The following GRAMD1B variants were observed in gnomAD, a reference collection of about 807,000 sequenced individuals.
The protein encoded by GRAMD1B is GRAM domain containing 1B, also known as protein Aster-B.
A neutral mutation model predicts 99.7 loss-of-function variants in GRAMD1B; 37 were observed. That is an observed-to-expected ratio of 0.37 (90% CI 0.29 to 0.49). The LOEUF (loss-of-function observed/expected upper bound fraction) is 0.49. Among genes scored for constraint, GRAMD1B ranks in the 20% least tolerant of loss-of-function variants. The pLI, the probability that GRAMD1B is intolerant of heterozygous loss-of-function variation, is 0.98. For missense variants in GRAMD1B, 888 were observed against 1,009.2 expected (o/e 0.88, Z 1.63); for synonymous variants, 427 against 387.6 (o/e 1.10, Z -1.19).
intron 9 of GRAMD1B, 24 bp downstream of exon 9, chr11:123,603,565 C>A (rs1397290119): frequency 1.4e-6 from 2 of 1,436,254 alleles, no homozygotes; most frequent in East Asian, 2.3e-5. Context: ...AGGGCGGCTG[C>A]CCAGAGGCAG....
At chr11:123,584,263 C>G (rs747461868) in intron 3 of GRAMD1B, 49 bp from the exon 4 acceptor site, 4 of 882,138 alleles carry the variant, frequency 4.5e-6, no homozygotes, top group East Asian at 8.9e-5. Context: ...CCCTTCCCCC[C>G]ATTTCTTCCC....
chr11:123,462,722 G>A (rs546118770), intron 1 of GRAMD1B, among the ~76,000 whole-genome samples: 17 of 152,142 alleles, frequency 1.1e-4, no homozygotes, highest in African/African-American at 4.1e-4. Flanking sequence ...CTAATCTCAA[G>A]TAATCAGGGA....
intron 14 of GRAMD1B, among the ~76,000 whole-genome samples, chr11:123,611,066 G>C (rs1347350912): frequency 6.6e-6 from 1 of 152,204 alleles, no homozygotes; most frequent in Non-Finnish European, 1.5e-5. Context: ...TTGGTTGTAA[G>C]GAGCCAAAAA....
At chr11:123,466,493 AAG>A (rs1359340166) in intron 1 of GRAMD1B, among the ~76,000 whole-genome samples, 1 of 151,742 alleles carries the variant, frequency 6.6e-6, no homozygotes, top group African/African-American at 2.4e-5. Flanking sequence ...AAGAAAAAGA[AAG>A]AAAGAAAAAG....
intron 2 of GRAMD1B, among the ~76,000 whole-genome samples, chr11:123,489,318 C>T (rs539502938): frequency 6.6e-6 from 1 of 152,182 alleles, no homozygotes; most frequent in East Asian, 1.9e-4. Flanking sequence ...GATAGAAACA[C>T]TAGGCCATTG....
intron 1 of GRAMD1B, among the ~76,000 whole-genome samples, chr11:123,400,168 C>T (rs890848545): frequency 6.6e-6 from 1 of 152,046 alleles, no homozygotes. Flanking sequence ...CACCATAGAC[C>T]GGATACCTTA....
chr11:123,435,426 A>G, intron 1 of GRAMD1B: 1 of 702,326 alleles, frequency 1.4e-6, no homozygotes, highest in Non-Finnish European at 2.6e-6. Flanking sequence ...CTTGTCACTG[A>G]CTTGAAGCTC....
At chr11:123,582,632 C>T (rs1277705282) in intron 3 of GRAMD1B, among the ~76,000 whole-genome samples, 1 of 152,146 alleles carries the variant, frequency 6.6e-6, no homozygotes, top group Non-Finnish European at 1.5e-5. Flanking sequence ...CACGCGAGGC[C>T]CCTCAGCCCC....
chr11:123,415,108 T>G (rs1314313767), intron 1 of GRAMD1B, among the ~76,000 whole-genome samples: 3 of 133,248 alleles, frequency 2.3e-5, no homozygotes, highest in African/African-American at 5.7e-5. Flanking sequence ...TTTTTTTTTT[T>G]TTTTTTTTTT....
chr11:123,578,705 G>T (rs1479449429), intron 3 of GRAMD1B, among the ~76,000 whole-genome samples: 1 of 152,182 alleles, frequency 6.6e-6, no homozygotes, highest in South Asian at 2.1e-4. Context: ...CTCTGGCTGG[G>T]AGTTTATTCC....
chr11:123,485,063 C>T (rs984164978), intron 2 of GRAMD1B, among the ~76,000 whole-genome samples: 3 of 152,316 alleles, frequency 2.0e-5, no homozygotes, highest in African/African-American at 7.2e-5. Flanking sequence ...ATCTTCTTTA[C>T]TCTTCGTAAT....
rs112033315 is a variant in GRAMD1B, at chr11:123,534,852, G to C, written c.453-42515G>C. Among the ~76,000 whole-genome samples the C allele has an allele frequency of 1.2e-3, 176 of 151,346 alleles. 1 individual carries two copies. Among genetic ancestry groups the C allele is most frequent in the Non-Finnish European group, 2.4e-3 (162 of 67,894 alleles). ...GCACTCCAGCTTAGGCAGCAAGAGCGAAACTCCATCTCAAAGAAAAAAAAA... is the reference window on the plus strand; with the variant it reads ...GCACTCCAGCTTAGGCAGCAAGAGCCAAACTCCATCTCAAAGAAAAAAAAA... On this transcript the variant is annotated intron_variant, in intron 2 of 19. Transcript: ENST00000635736.
At chr11:123,399,336 A>G (rs556998534) in intron 1 of GRAMD1B, among the ~76,000 whole-genome samples, 1 of 152,214 alleles carries the variant, frequency 6.6e-6, no homozygotes, top group East Asian at 1.9e-4. Flanking sequence ...CATTCATCCT[A>G]TTGTGAATAG....
chr11:123,381,633 G>T (rs1946877655), intron 1 of GRAMD1B: 1 of 152,438 alleles, frequency 6.6e-6, no homozygotes, highest in Non-Finnish European at 1.5e-5. Flanking sequence ...TAGGTTGAAG[G>T]TTCCTGGAGG....
chr11:123,608,514 T>A (rs1303451571), intron 11 of GRAMD1B, 145 bp from the exon 12 acceptor site: 2 of 1,539,296 alleles, frequency 1.3e-6, no homozygotes, highest in Non-Finnish European at 1.7e-6. Context: ...GCCCACGAGC[T>A]CAGCTGTCCT....
intron 1 of GRAMD1B, among the ~76,000 whole-genome samples, chr11:123,477,940 A>G (rs1261832882): frequency 6.7e-6 from 1 of 150,364 alleles, no homozygotes. Context: ...AAGACTGGCT[A>G]ATTTTTTTTA....
intron 2 of GRAMD1B, among the ~76,000 whole-genome samples, chr11:123,567,526 A>G (rs1947523185): frequency 6.6e-6 from 1 of 152,226 alleles, no homozygotes. Flanking sequence ...GGCAGGACCC[A>G]AACAAACTTA....
chr11:123,436,189 C>T (rs937284489), intron 1 of GRAMD1B, among the ~76,000 whole-genome samples: 1 of 152,104 alleles, frequency 6.6e-6, no homozygotes, highest in Non-Finnish European at 1.5e-5. Flanking sequence ...GATCTGCCCA[C>T]CTCAGCCTCC....
chr11:123,361,950 C>T (rs1447989624), intron 1 of GRAMD1B, among the ~76,000 whole-genome samples: 1 of 152,220 alleles, frequency 6.6e-6, no homozygotes, highest in African/African-American at 2.4e-5. Context: ...ATTAAAGCCT[C>T]ATTTGGTAGG....
Sources: allele counts gnomAD v4.1 joint callset (sites outside exome capture counted in the v4.1 genomes callset), GRCh38; gene constraint gnomAD v4.1.1; transcripts MANE v1.5; gene names NCBI Gene and HGNC (gene_info 2026-07-23, HGNC 2026-07-21).